The following ERG variants were observed in gnomAD, a reference collection of about 807,000 sequenced individuals.
ERG encodes the protein transcriptional regulator ERG.
In ERG, 9 loss-of-function variants were observed where a neutral mutation model predicts 55.3. The ratio of observed to expected loss-of-function variants is 0.16; its 90% confidence interval spans 0.10 to 0.28. The LOEUF (loss-of-function observed/expected upper bound fraction) is 0.28. Ranked by LOEUF, ERG falls within the 10% of genes least tolerant of loss-of-function variation. The pLI is 1.00. For missense variants in ERG, 434 were observed against 631.6 expected, an observed-to-expected ratio of 0.69 and a Z score of 3.35; for synonymous variants, 223 against 237.3, an observed-to-expected ratio of 0.94 and a Z score of 0.55.
rs1340061141 is a variant in ERG, at chr21:38,590,628, CCATCCATGTATTCATCCATCCAT to C, written c.-149-5706_-149-5684del. Among the ~76,000 whole-genome samples, 523 of 151,966 alleles carry C rather than the reference CCATCCATGTATTCATCCATCCAT, an allele frequency of 3.4e-3. 5 individuals carry two copies. Among genetic ancestry groups the C allele is most frequent in the African/African-American group, 0.012 (498 of 41,468 alleles). On this transcript the variant is annotated intron_variant, in intron 1 of 10. Transcript: ENST00000398910. Reference sequence around the variant, plus strand: ...TGTATTCATGTATTCATTCATCTATCCATCCATGTATTCATCCATCCATCATCCATGTATTCATCCATCCATCC... The same window carrying C: ...TGTATTCATGTATTCATTCATCTATCCATCCATGTATTCATCCATCCATCC...
At chr21:38,490,593 C>G (rs548219954) in intron 1 of ERG, among the ~76,000 whole-genome samples, 1 of 152,222 alleles carries the variant, frequency 6.6e-6, no homozygotes, top group Non-Finnish European at 1.5e-5. Context: ...GACCCCTCCC[C>G]GGTTTGAAGA....
chr21:38,391,432 C>T (rs2836357), intron 8 of ERG, among the ~76,000 whole-genome samples: 6 of 151,978 alleles, frequency 3.9e-5, no homozygotes, highest in East Asian at 3.9e-4. Context: ...CCTGTGTGCA[C>T]GTAGAATTTT....
At chr21:38,497,237 A>G (rs546033960) in intron 1 of ERG, among the ~76,000 whole-genome samples, 29 of 152,362 alleles carry the variant, frequency 1.9e-4, no homozygotes, top group Middle Eastern at 3.4e-3. Context: ...AATTATGAAA[A>G]TACCAAACCA....
chr21:38,637,688 C>T (rs1369923245), intron 1 of ERG, among the ~76,000 whole-genome samples: 6 of 152,140 alleles, frequency 3.9e-5, no homozygotes, highest in Non-Finnish European at 7.3e-5. Flanking sequence ...ATAATTTCCT[C>T]GTTTTTAACT....
chr21:38,496,437 C>T (rs1847795730), intron 1 of ERG, among the ~76,000 whole-genome samples: 1 of 152,146 alleles, frequency 6.6e-6, no homozygotes. Flanking sequence ...CTCAGGACCT[C>T]CTTTTTCCAC....
At chr21:38,430,101 G>A (rs935363429) in intron 2 of ERG, among the ~76,000 whole-genome samples, 11 of 151,540 alleles carry the variant, frequency 7.3e-5, no homozygotes, top group Admixed American at 3.3e-4. Context: ...TATTTTTAAT[G>A]ATGGCCATTC....
chr21:38,629,227 A>C (rs1264968399), intron 1 of ERG, among the ~76,000 whole-genome samples: 1 of 152,190 alleles, frequency 6.6e-6, no homozygotes, highest in African/African-American at 2.4e-5. Flanking sequence ...TTCTCCAGGG[A>C]AGTAAACTAA....
intron 1 of ERG, among the ~76,000 whole-genome samples, chr21:38,491,992 GATAAC>G (rs2059340580): frequency 1.3e-5 from 1 of 77,290 alleles, no homozygotes; most frequent in African/African-American, 3.0e-5. Context: ...CAGAAGAGTA[GATAAC>G]ATAAAGTAAC....
At chr21:38,656,373 G>C (rs2060519059) in intron 1 of ERG, among the ~76,000 whole-genome samples, 1 of 152,186 alleles carries the variant, frequency 6.6e-6, no homozygotes, top group South Asian at 2.1e-4. Context: ...CAATAGGTAA[G>C]TAACAGATTT....
At chr21:38,371,863 T>C in the ERG span, among the ~76,000 whole-genome samples, 16 of 152,218 alleles carry the variant, frequency 1.1e-4, no homozygotes, top group African/African-American at 3.4e-4. Context: ...AGCCTACAAA[T>C]TTTAAAAATT....
chr21:38,445,138 CTTTTT>C (rs77891753), intron 2 of ERG, among the ~76,000 whole-genome samples: 10 of 136,660 alleles, frequency 7.3e-5, no homozygotes, highest in Admixed American at 2.2e-4. Flanking sequence ...CTTTCTTCTT[CTTTTT>C]TTTTTTTTTT....
chr21:38,632,327 TCA>T (rs1398799775), intron 1 of ERG, among the ~76,000 whole-genome samples: 1 of 152,168 alleles, frequency 6.6e-6, no homozygotes, highest in Non-Finnish European at 1.5e-5. Context: ...AGATGTCACC[TCA>T]CACCCATTAG....
At chr21:38,599,081 G>C (rs958366988) in intron 1 of ERG, among the ~76,000 whole-genome samples, 1 of 152,198 alleles carries the variant, frequency 6.6e-6, no homozygotes, top group African/African-American at 2.4e-5. Context: ...AGGGTTCTGA[G>C]CTACCAGGGC....
intron 1 of ERG, among the ~76,000 whole-genome samples, chr21:38,591,200 C>A (rs2836544): frequency 0.26 from 40,127 of 152,082 alleles, 5,452 homozygotes; most frequent in African/African-American, 0.29. Flanking sequence ...CAGAGAGATT[C>A]ATGTCCAGGA....
At chr21:38,410,385 C>T (rs922483873) in intron 3 of ERG, among the ~76,000 whole-genome samples, 11 of 152,368 alleles carry the variant, frequency 7.2e-5, no homozygotes, top group Admixed American at 7.2e-4. Flanking sequence ...AAATGGTAAA[C>T]TGTCATGGCA....
At chr21:38,430,903 T>C (rs1990173595) in intron 2 of ERG, among the ~76,000 whole-genome samples, 1 of 152,130 alleles carries the variant, frequency 6.6e-6, no homozygotes, top group Non-Finnish European at 1.5e-5. Flanking sequence ...GTCATAACTG[T>C]GGTCACTCAC....
At chr21:38,512,310 T>A (rs1774157788) in intron 2 of ERG, among the ~76,000 whole-genome samples, 1 of 152,212 alleles carries the variant, frequency 6.6e-6, no homozygotes, top group African/African-American at 2.4e-5. Flanking sequence ...AATGTAATAT[T>A]TTGAAGTATT....
chr21:38,456,935 C>T (rs942230106), intron 1 of ERG, among the ~76,000 whole-genome samples: 4 of 152,178 alleles, frequency 2.6e-5, no homozygotes, highest in African/African-American at 9.7e-5. Flanking sequence ...CTGGGTAGAC[C>T]CCGTCCTGGT....
chr21:38,626,128 G>T (rs940604702), intron 1 of ERG, among the ~76,000 whole-genome samples: 1 of 151,896 alleles, frequency 6.6e-6, no homozygotes, highest in Admixed American at 6.6e-5. Flanking sequence ...CACTATGTTG[G>T]CCAGGCTGGT....
Sources: allele counts gnomAD v4.1 joint callset (sites outside exome capture counted in the v4.1 genomes callset), GRCh38; gene constraint gnomAD v4.1.1; transcripts MANE v1.5; gene names NCBI Gene and HGNC (gene_info 2026-07-23, HGNC 2026-07-21).